SLC39A11: variants seen among roughly 807,000 people sequenced by gnomAD.
SLC39A11 encodes solute carrier family 39 member 11.
Under a neutral mutation model 36.1 loss-of-function variants are expected in SLC39A11, and 33 were observed. That is an observed-to-expected ratio of 0.91 (90% CI 0.69 to 1.22). SLC39A11 has a LOEUF of 1.22. SLC39A11 is among the 50% of genes most tolerant of loss of function. The probability of loss-of-function intolerance (pLI) is 0.00; values close to 1 mark genes in which losing one functional copy is unlikely to be tolerated. For synonymous variants in SLC39A11, 166 were observed against 170.3 expected, an observed-to-expected ratio of 0.97 and a Z score of 0.20; for missense variants, 432 against 430.3, an observed-to-expected ratio of 1.00 and a Z score of -0.03.
chr17:72,827,049 A>T (rs1262625141), intron 6 of SLC39A11, among the ~76,000 whole-genome samples: 1 of 152,240 alleles, frequency 6.6e-6, no homozygotes, highest in Non-Finnish European at 1.5e-5. Context: ...TTGTACATGA[A>T]AGTACAGAGC....
chr17:72,966,992 C>T (rs1460020958), intron 4 of SLC39A11, among the ~76,000 whole-genome samples: 1 of 152,144 alleles, frequency 6.6e-6, no homozygotes, highest in Non-Finnish European at 1.5e-5. Context: ...ACTGTGCATG[C>T]AAAGGATCTA....
intron 5 of SLC39A11, among the ~76,000 whole-genome samples, chr17:72,871,907 T>C (rs999860356): frequency 6.6e-6 from 1 of 152,220 alleles, no homozygotes; most frequent in Non-Finnish European, 1.5e-5. Flanking sequence ...TTGTGGGATG[T>C]AGCCCTTCAT....
chr17:72,720,875 C>A (rs2073631912), intron 7 of SLC39A11, among the ~76,000 whole-genome samples: 1 of 152,144 alleles, frequency 6.6e-6, no homozygotes, highest in African/African-American at 2.4e-5. Flanking sequence ...TCAATAGTGC[C>A]TATTCATCCC....
intron 7 of SLC39A11, among the ~76,000 whole-genome samples, chr17:72,675,753 G>A (rs139990258): frequency 8.5e-5 from 13 of 152,212 alleles, no homozygotes; most frequent in African/African-American, 2.9e-4. Flanking sequence ...GCGCAATCTC[G>A]GCTCACCGCA....
chr17:73,038,213 GA>G (rs2058987295), intron 3 of SLC39A11, among the ~76,000 whole-genome samples: 1 of 151,938 alleles, frequency 6.6e-6, no homozygotes, highest in Non-Finnish European at 1.5e-5. Flanking sequence ...GACAGAACAA[GA>G]AACTGTCTCA....
intron 7 of SLC39A11, among the ~76,000 whole-genome samples, chr17:72,684,782 G>C (rs2071668707): frequency 6.6e-6 from 1 of 152,230 alleles, no homozygotes. Context: ...GGAGGGGTGA[G>C]CTTCCTCAGA....
At chr17:72,993,843 C>G (rs1005571755) in intron 4 of SLC39A11, among the ~76,000 whole-genome samples, 1 of 152,082 alleles carries the variant, frequency 6.6e-6, no homozygotes, top group South Asian at 2.1e-4. Flanking sequence ...CTGCCCCTTC[C>G]GAGTCAGCAC....
Position 72,900,103 on chromosome 17 carries a change from G to GAA in SLC39A11, c.430+47647_430+47648dup, listed in dbSNP as rs1318612742. On this transcript the variant is annotated intron_variant, in intron 5 of 9. Coordinates refer to ENST00000255559, the MANE Select transcript of SLC39A11 (RefSeq NM_139177.4). ...GAGAGAAAGAGAAAGAGAAAAGAAA[G>GAA]AAAGAAAAAGAAAGAAAGAAAAGAA... Among the ~76,000 whole-genome samples, 645 of 122,274 alleles carry GAA rather than the reference G, an allele frequency of 5.3e-3. 105 individuals are homozygous for GAA. The highest frequency in any genetic ancestry group is 0.021 in the African/African-American group (605 of 28,276). 80.2% of individuals were successfully genotyped at this position (122,274 alleles called of 152,430 possible).
intron 3 of SLC39A11, among the ~76,000 whole-genome samples, chr17:73,062,353 G>C (rs2059865878): frequency 6.6e-6 from 1 of 151,016 alleles, no homozygotes; most frequent in Non-Finnish European, 1.5e-5. Context: ...CAGCTACTTG[G>C]GAGGCAGAGG....
intron 6 of SLC39A11, among the ~76,000 whole-genome samples, chr17:72,776,893 C>T (rs1212823067): frequency 1.3e-5 from 2 of 152,144 alleles, no homozygotes; most frequent in South Asian, 2.1e-4. Context: ...CTGCCTTAAC[C>T]GGAGCAGTCA....
chr17:72,974,702 G>A (rs1020691181), intron 4 of SLC39A11, among the ~76,000 whole-genome samples: 10 of 152,240 alleles, frequency 6.6e-5, no homozygotes, highest in Non-Finnish European at 8.8e-5. Context: ...CAAAGTCTAC[G>A]GTAGTGTATA....
chr17:73,089,123 C>A (rs920861369), intron 1 of SLC39A11, among the ~76,000 whole-genome samples: 5 of 152,126 alleles, frequency 3.3e-5, no homozygotes, highest in Non-Finnish European at 5.9e-5. Context: ...ATGCAGCCTC[C>A]CCCACATAAT....
At chr17:73,043,026 C>T (rs2059160678) in intron 3 of SLC39A11, among the ~76,000 whole-genome samples, 1 of 148,900 alleles carries the variant, frequency 6.7e-6, no homozygotes, top group African/African-American at 2.5e-5. Context: ...CAGGAGCTGG[C>T]TCTGGACTAT....
At chr17:72,985,206 G>A (rs935705192) in intron 4 of SLC39A11, among the ~76,000 whole-genome samples, 2 of 152,140 alleles carry the variant, frequency 1.3e-5, no homozygotes, top group African/African-American at 4.8e-5. Flanking sequence ...ACATACAGGG[G>A]GGAAAGGACA....
At chr17:72,845,249 A>T (rs1274505086) in intron 6 of SLC39A11, among the ~76,000 whole-genome samples, 1 of 152,228 alleles carries the variant, frequency 6.6e-6, no homozygotes, top group Non-Finnish European at 1.5e-5. Flanking sequence ...CAGAGCAAAA[A>T]CAAACATTCT....
At chr17:72,868,722 T>C (rs1481190195) in intron 5 of SLC39A11, among the ~76,000 whole-genome samples, 2 of 147,682 alleles carry the variant, frequency 1.4e-5, no homozygotes, top group East Asian at 2.0e-4. Context: ...GGTGGGAGGA[T>C]AGTTTGAGCC....
rs2069606491 is a variant in SLC39A11 at position 72,647,456 on chromosome 17, G to C, written c.*128C>G. On this transcript the variant is annotated 3_prime_UTR_variant, in exon 10 of 10. Transcript: ENST00000255559. The stretch of plus-strand genomic sequence containing the variant: ...GTTCTATTATAATCAGAGTCAATCA[G>C]GATAATGAGATGAAGAAGAGAGGAA... 5.8e-6 allele frequency: 4 copies of C among 684,254 alleles called. No homozygotes were observed. Among genetic ancestry groups the C allele is most frequent in the Non-Finnish European group, 7.5e-6 (3 of 401,780 alleles). 42.4% of individuals were successfully genotyped at this position (684,254 alleles called of 1,614,324 possible). A position where few individuals can be genotyped will look rare whatever the true frequency, so the allele number is the denominator to read the frequency against.
chr17:72,676,395 C>A (rs1018389289), intron 7 of SLC39A11, among the ~76,000 whole-genome samples: 2 of 152,008 alleles, frequency 1.3e-5, no homozygotes, highest in Non-Finnish European at 2.9e-5. Flanking sequence ...GTTCCAAGAG[C>A]AAATGGGATC....
intron 4 of SLC39A11, among the ~76,000 whole-genome samples, chr17:73,007,716 C>T (rs977180503): frequency 1.3e-5 from 2 of 152,064 alleles, no homozygotes; most frequent in East Asian, 1.9e-4. Flanking sequence ...GAACGGTGAA[C>T]GAAGTCCAAG....
Sources: gnomAD v4.1 joint callset for allele counts (sites outside exome capture counted in the v4.1 genomes callset) on GRCh38, gnomAD v4.1.1 for gene constraint, MANE v1.5 for transcripts, NCBI Gene and HGNC (gene_info 2026-07-23, HGNC 2026-07-21) for gene names.